Variants in PRDM11 observed in about 807,000 individuals in gnomAD.
PRDM11 encodes PR domain-containing protein 11.
In PRDM11, 20 loss-of-function variants were observed where a neutral mutation model predicts 97.8. The observed-to-expected ratio is 0.20, with a 90% CI of 0.14 to 0.30. The LOEUF is 0.30. Among genes scored for constraint, PRDM11 ranks in the 10% least tolerant of loss-of-function variants. The pLI is 1.00. For synonymous variants in PRDM11, 599 were observed against 637.7 expected, an observed-to-expected ratio of 0.94 and a Z score of 0.91; for missense variants, 1,139 against 1,555.2, an observed-to-expected ratio of 0.73 and a Z score of 4.50.
At chr11:45,210,628 C>G (rs1382957687) in intron 5 of PRDM11, among the ~76,000 whole-genome samples, 1 of 152,216 alleles carries the variant, frequency 6.6e-6, no homozygotes, top group Non-Finnish European at 1.5e-5. Flanking sequence ...CCCGGGCCCC[C>G]TGCCATTGTG....
Position 45,224,743 on chromosome 11 carries a change from G to C in PRDM11, c.1269G>C (p.Glu423Asp). Residue 423 changes from glutamate (E) to aspartate (D), a missense_variant, in exon 7 of 8, where the codon GAG becomes GAC. Physicochemically the swap from Glu to Asp is conservative, Grantham distance 45. Around this residue, in one of 2 missense-constraint regions of PRDM11, gnomAD observed 710 missense variants for 1,044.9 expected, o/e 0.68. Transcript: ENST00000683152. ...NCIRLKKKVR[E>D]LQAELDMLKS... ...TTCGCCTAAAGAAGAAGGTTCGGGA[G>C]CTCCAGGCAGAATTAGACATGCTTA... 1 of 1,614,202 alleles carries C rather than the reference G, an allele frequency of 6.2e-7. No individual in the cohort carries two copies. Among genetic ancestry groups the C allele is most frequent in the Non-Finnish European group, 8.5e-7 (1 of 1,180,032 alleles).
chr11:45,153,551 T>A (rs575986096), intron 1 of PRDM11, among the ~76,000 whole-genome samples: 13 of 152,040 alleles, frequency 8.6e-5, no homozygotes, highest in Middle Eastern at 3.4e-3. Flanking sequence ...GGCATGGGGG[T>A]CCTCTCATGC....
At chr11:45,179,836 G>A (rs950627331) in intron 1 of PRDM11, among the ~76,000 whole-genome samples, 3 of 152,270 alleles carry the variant, frequency 2.0e-5, no homozygotes, top group Non-Finnish European at 1.5e-5. Context: ...GGCACTGCCT[G>A]TCCAGTGCCC....
At chr11:45,119,479 A>T (rs536044895) in intron 1 of PRDM11, among the ~76,000 whole-genome samples, 1 of 151,918 alleles carries the variant, frequency 6.6e-6, no homozygotes, top group Non-Finnish European at 1.5e-5. Context: ...AAATACAAAA[A>T]ATTAGCCAGG....
At chr11:45,201,680 T>C (rs889330131) in intron 4 of PRDM11, among the ~76,000 whole-genome samples, 1 of 152,000 alleles carries the variant, frequency 6.6e-6, no homozygotes, top group Non-Finnish European at 1.5e-5. Flanking sequence ...AAATTCTTTG[T>C]AGAGAGGCTG....
intron 5 of PRDM11, chr11:45,212,776 C>A (rs1300712584): frequency 2.2e-5 from 10 of 456,234 alleles, no homozygotes; most frequent in Non-Finnish European, 3.5e-5. Flanking sequence ...AGCTGGTGAC[C>A]GTGCACCGGG....
upstream of PRDM11, among the ~76,000 whole-genome samples, chr11:45,145,388 GCCATGAGCACCCCCATCTGA>G (rs1305711152): frequency 4.6e-5 from 7 of 152,130 alleles, no homozygotes; most frequent in Non-Finnish European, 8.8e-5. Flanking sequence ...GATTCCAAAA[GCCATGAGCACCCCCATCTGA>G]CCATGAACGC....
At chr11:45,119,215 CA>C (rs940883921) in intron 1 of PRDM11, among the ~76,000 whole-genome samples, 5 of 152,192 alleles carry the variant, frequency 3.3e-5, no homozygotes, top group African/African-American at 1.2e-4. Context: ...GCAAGAATCA[CA>C]AACTAGTTTC....
upstream of PRDM11, among the ~76,000 whole-genome samples, chr11:45,146,231 T>C (rs1045665809): frequency 6.6e-6 from 1 of 152,098 alleles, no homozygotes. Context: ...CGCGGAGCCC[T>C]GAAAGGGTTA....
At chr11:45,215,382 C>T (rs1003513216) in intron 5 of PRDM11, among the ~76,000 whole-genome samples, 1 of 152,234 alleles carries the variant, frequency 6.6e-6, no homozygotes, top group Non-Finnish European at 1.5e-5. Context: ...CTCCACAGTT[C>T]TTGGCCAAAA....
intron 1 of PRDM11, among the ~76,000 whole-genome samples, chr11:45,135,445 A>G (rs1852820673): frequency 6.6e-6 from 1 of 152,250 alleles, no homozygotes; most frequent in South Asian, 2.1e-4. Flanking sequence ...CAATATGTGA[A>G]TTTAGTAAGA....
chr11:45,153,871 G>A (rs1770591195), intron 1 of PRDM11, among the ~76,000 whole-genome samples: 1 of 152,184 alleles, frequency 6.6e-6, no homozygotes, highest in Non-Finnish European at 1.5e-5. Flanking sequence ...AGCCCCGTGA[G>A]GTTACTCCCG....
chr11:45,180,777 G>A (rs1435809714), intron 1 of PRDM11, among the ~76,000 whole-genome samples: 5 of 150,486 alleles, frequency 3.3e-5, no homozygotes, highest in African/African-American at 9.7e-5. Flanking sequence ...CGCCCCGGCC[G>A]CAGCCTACAC....
intron 1 of PRDM11, among the ~76,000 whole-genome samples, chr11:45,149,345 T>TCATC (rs1238160243): frequency 3.3e-5 from 5 of 152,254 alleles, no homozygotes; most frequent in Non-Finnish European, 5.9e-5. Context: ...GCCCTTGACC[T>TCATC]CATCTTCTAT....
At chr11:45,217,312 C>T (rs1853984445) in intron 5 of PRDM11, among the ~76,000 whole-genome samples, 1 of 152,142 alleles carries the variant, frequency 6.6e-6, no homozygotes, top group Non-Finnish European at 1.5e-5. Context: ...CTTTTCCTTT[C>T]TCTTAAGTCC....
At chr11:45,200,010 C>T (rs536312377) in intron 4 of PRDM11, among the ~76,000 whole-genome samples, 7 of 152,328 alleles carry the variant, frequency 4.6e-5, no homozygotes, top group East Asian at 1.9e-4. Flanking sequence ...CTCTCTTCTG[C>T]GTCCCGCTAG....
intron 1 of PRDM11, among the ~76,000 whole-genome samples, chr11:45,104,083 C>T (rs1321825686): frequency 6.6e-6 from 1 of 152,218 alleles, no homozygotes; most frequent in Non-Finnish European, 1.5e-5. Flanking sequence ...TTCGCCTGGG[C>T]ATAGCCCTCA....
chr11:45,095,231 C>T (rs896482260), upstream of PRDM11, among the ~76,000 whole-genome samples: 1 of 152,174 alleles, frequency 6.6e-6, no homozygotes, highest in African/African-American at 2.4e-5. Context: ...AGCTGCCAGC[C>T]CTTCTAAGCC....
Position 45,204,785 on chromosome 11 carries a change from C to T in PRDM11, c.554+7C>T, listed in dbSNP as rs760247291. On this transcript the variant is annotated splice_region_variant and intron_variant, in intron 5 of 7. Coordinates refer to ENST00000683152, the MANE Select transcript of PRDM11 (RefSeq NM_001384648.1). ...CCAAAGCCAACTGGATGAGGTGAGCCCTGCTCTGCTGATGTCCCGGGGGTC... is the reference window on the plus strand; with the variant it reads ...CCAAAGCCAACTGGATGAGGTGAGCTCTGCTCTGCTGATGTCCCGGGGGTC... The T allele has an allele frequency of 2.5e-6, 4 of 1,606,120 alleles. No individual in the cohort carries two copies. In the East Asian group the frequency reaches 6.7e-5, roughly 27 times the overall value.
Sources: gnomAD v4.1 joint callset for allele counts (sites outside exome capture counted in the v4.1 genomes callset) on GRCh38, gnomAD v4.1.1 for gene constraint, gnomAD v4.1.1 regional missense constraint, MANE v1.5 for transcripts, NCBI Gene and HGNC (gene_info 2026-07-23, HGNC 2026-07-21) for gene names.